The following CTNNA2 variants were observed in gnomAD, a reference collection of about 807,000 sequenced individuals.
CTNNA2 encodes the protein catenin alpha 2, also known as catenin alpha-2.
In CTNNA2, 42 loss-of-function variants were observed where a neutral mutation model predicts 101.0. The ratio of observed to expected loss-of-function variants is 0.42; its 90% confidence interval spans 0.32 to 0.54. The LOEUF (loss-of-function observed/expected upper bound fraction) is 0.54, where lower values mean the gene tolerates loss of function less well. CTNNA2 is among the 20% of genes least tolerant of loss of function. The pLI is 0.14. For missense variants in CTNNA2, 871 were observed against 1,223.1 expected, an observed-to-expected ratio of 0.71 and a Z score of 4.29; for synonymous variants, 450 against 456.4, an observed-to-expected ratio of 0.99 and a Z score of 0.18.
intron 9 of CTNNA2, among the ~76,000 whole-genome samples, chr2:80,538,041 T>A (rs991106392): frequency 6.6e-6 from 1 of 152,230 alleles, no homozygotes; most frequent in Non-Finnish European, 1.5e-5. Flanking sequence ...TTGAGAAGTC[T>A]CTGTTCATAT....
intron 4 of CTNNA2, among the ~76,000 whole-genome samples, chr2:79,437,588 T>C (rs1678730613): frequency 2.0e-5 from 3 of 152,204 alleles, no homozygotes; most frequent in African/African-American, 7.2e-5. Flanking sequence ...GACCAAGCCC[T>C]GCAGGCAGTT....
At chr2:79,281,732 C>A (rs931859542) in intron 2 of CTNNA2, among the ~76,000 whole-genome samples, 1 of 152,174 alleles carries the variant, frequency 6.6e-6, no homozygotes, top group African/African-American at 2.4e-5. Context: ...ACTTCATCAG[C>A]ATTTTTGTTT....
At chr2:79,544,042 G>T (rs911954331) in intron 1 of CTNNA2, among the ~76,000 whole-genome samples, 1 of 152,086 alleles carries the variant, frequency 6.6e-6, no homozygotes, top group Admixed American at 6.6e-5. Context: ...GGGTTCAAGA[G>T]ATTCTCTTGC....
chr2:80,497,018 G>A (rs1191552238), intron 9 of CTNNA2, among the ~76,000 whole-genome samples: 1 of 152,150 alleles, frequency 6.6e-6, no homozygotes, highest in Non-Finnish European at 1.5e-5. Context: ...ATTTGAGGGT[G>A]GGGAGATGGT....
intron 4 of CTNNA2, among the ~76,000 whole-genome samples, chr2:79,867,250 T>C (rs994481033): frequency 1.3e-5 from 2 of 152,204 alleles, no homozygotes; most frequent in African/African-American, 4.8e-5. Flanking sequence ...AAATAAAGAC[T>C]TAATTTTTAT....
chr2:80,392,101 C>T (rs917062254), intron 7 of CTNNA2, among the ~76,000 whole-genome samples: 2 of 152,122 alleles, frequency 1.3e-5, no homozygotes, highest in African/African-American at 2.4e-5. Context: ...TTATGCTTCC[C>T]GGATTTTGTC....
Position 79,800,667 on chromosome 2 carries a change from T to C in CTNNA2, c.298+56085T>C, listed in dbSNP as rs2902089. Among the ~76,000 whole-genome samples, 1,202 of 152,218 alleles carry C rather than the reference T, an allele frequency of 7.9e-3. 41 individuals carry two copies. Among genetic ancestry groups the C allele is most frequent in the Admixed American group, 0.069 (1,059 of 15,268 alleles). On this transcript the variant is annotated intron_variant, in intron 3 of 18. Coordinates refer to ENST00000402739, the MANE Select transcript of CTNNA2 (RefSeq NM_001282597.3). ...TGGCGAAAGAGAGGGGCTCCAGCTC[T>C]AGAGGTATGTGATGGGAGCCTGCTA...
chr2:79,426,286 A>G (rs764307066), intron 4 of CTNNA2, among the ~76,000 whole-genome samples: 2 of 152,142 alleles, frequency 1.3e-5, no homozygotes, highest in Non-Finnish European at 2.9e-5. Flanking sequence ...AAAACATAGG[A>G]TGCAGATACT....
chr2:80,392,638 T>C lies in CTNNA2; in HGVS notation c.1057-573T>C, dbSNP rs182837380. Among the ~76,000 whole-genome samples the C allele has an allele frequency of 1.1e-3, 160 of 152,308 alleles. 1 individual carries two copies. The highest frequency in any genetic ancestry group is 3.2e-3 in the African/African-American group (132 of 41,590). On this transcript the variant is annotated intron_variant, in intron 7 of 18. Coordinates refer to ENST00000402739, the MANE Select transcript of CTNNA2 (RefSeq NM_001282597.3). Reference sequence around the variant, plus strand: ...GGAAATTTTCCTCATGACCTCAAGCTGTGGGTTGCTTATTATCATTTTTAG... The same window carrying C: ...GGAAATTTTCCTCATGACCTCAAGCCGTGGGTTGCTTATTATCATTTTTAG...
chr2:80,131,114 G>GT (rs1048097149), intron 7 of CTNNA2, among the ~76,000 whole-genome samples: 9 of 152,096 alleles, frequency 5.9e-5, no homozygotes, highest in African/African-American at 9.7e-5. Flanking sequence ...TTGGAGTGCA[G>GT]TGGCGTAATC....
intron 7 of CTNNA2, among the ~76,000 whole-genome samples, chr2:80,057,077 A>G (rs1697261946): frequency 6.6e-6 from 1 of 152,148 alleles, no homozygotes; most frequent in Non-Finnish European, 1.5e-5. Context: ...GTCAAAGAAT[A>G]TGTGTAAGGC....
At chr2:80,412,882 C>T (rs758948047) in intron 8 of CTNNA2, among the ~76,000 whole-genome samples, 32 of 152,040 alleles carry the variant, frequency 2.1e-4, no homozygotes, top group East Asian at 5.8e-4. Context: ...AAGACCAAGC[C>T]GGCCTAACGT....
intron 8 of CTNNA2, among the ~76,000 whole-genome samples, chr2:80,411,446 C>A (rs1679563717): frequency 6.6e-6 from 1 of 152,128 alleles, no homozygotes; most frequent in Non-Finnish European, 1.5e-5. Flanking sequence ...GCCATGGGTT[C>A]TCTTCTTTTA....
At chr2:79,283,344 C>T (rs1466095387) in intron 2 of CTNNA2, among the ~76,000 whole-genome samples, 6 of 102,348 alleles carry the variant, frequency 5.9e-5, no homozygotes, top group Middle Eastern at 4.9e-3. Context: ...ATGCCTATGT[C>T]CTGAATGGTA....
chr2:79,256,612 G>A (rs1185337023), intron 2 of CTNNA2, among the ~76,000 whole-genome samples: 1 of 152,184 alleles, frequency 6.6e-6, no homozygotes, highest in African/African-American at 2.4e-5. Flanking sequence ...TGATCTGAAA[G>A]TAATACTGAA....
chr2:79,656,690 G>C (rs1361394288), intron 2 of CTNNA2, among the ~76,000 whole-genome samples: 1 of 152,028 alleles, frequency 6.6e-6, no homozygotes, highest in African/African-American at 2.4e-5. Flanking sequence ...CTGCTAATGA[G>C]AAGAGATATT....
intron 4 of CTNNA2, among the ~76,000 whole-genome samples, chr2:79,400,603 T>G (rs1175819704): frequency 6.6e-6 from 1 of 151,552 alleles, no homozygotes; most frequent in African/African-American, 2.4e-5. Flanking sequence ...AGTCTGAAGG[T>G]CAAAAAGAAA....
chr2:79,641,185 G>A (rs1361300586), intron 1 of CTNNA2, among the ~76,000 whole-genome samples: 2 of 152,146 alleles, frequency 1.3e-5, no homozygotes, highest in African/African-American at 2.4e-5. Flanking sequence ...GAATTAAGCA[G>A]TTGTTTTGGT....
intron 4 of CTNNA2, among the ~76,000 whole-genome samples, chr2:79,471,388 C>T (rs1670997213): frequency 6.6e-6 from 1 of 152,102 alleles, no homozygotes; most frequent in Admixed American, 6.6e-5. Flanking sequence ...GATGAGGGTA[C>T]TCTTCTGAGT....
Sources: allele counts gnomAD v4.1 joint callset (sites outside exome capture counted in the v4.1 genomes callset), GRCh38; gene constraint gnomAD v4.1.1; transcripts MANE v1.5; gene names NCBI Gene and HGNC (gene_info 2026-07-23, HGNC 2026-07-21).